The following AHCYL2 variants were observed in gnomAD, a reference collection of about 807,000 sequenced individuals.
The protein encoded by AHCYL2 is adenosylhomocysteinase like 2.
AHCYL2 carries 28 observed loss-of-function variants against 81.4 expected under a neutral mutation model. The observed-to-expected ratio is 0.34, with a 90% CI of 0.25 to 0.47. AHCYL2 has a LOEUF of 0.47. Ranked by LOEUF, AHCYL2 falls within the 20% of genes least tolerant of loss-of-function variation. The pLI is 1.00. For missense variants in AHCYL2, 551 were observed against 785.1 expected, an observed-to-expected ratio of 0.70 and a Z score of 3.56; for synonymous variants, 272 against 290.2, an observed-to-expected ratio of 0.94 and a Z score of 0.64.
chr7:129,389,821 T>C, intron 4 of AHCYL2, 87 bp downstream of exon 4: 1 of 1,061,566 alleles, frequency 9.4e-7, no homozygotes, highest in Non-Finnish European at 1.3e-6. Context: ...AAGCACCGAG[T>C]TAAGAGCTTA....
Position 129,365,628 on chromosome 7 carries a change from G to GTATATATATATATATATATATATATA in AHCYL2, c.364-13993_364-13992insATATATATATATATATATATATATAT, listed in dbSNP as rs10526470. ...TAATACAGTTTACCTGGAGGATAGA[G>GTATATATATATATATATATATATATA]TATATATATATATATATGGGTATGA... On this transcript the variant is annotated intron_variant, in intron 1 of 16. Transcript: ENST00000325006. 3.5e-3 allele frequency among the ~76,000 whole-genome samples: 433 copies of GTATATATATATATATATATATATATA among 124,190 alleles called. 9 individuals carry two copies. The highest frequency in any genetic ancestry group is 0.014 in the South Asian group (51 of 3,658). 81.5% of individuals were successfully genotyped at this position (124,190 alleles called of 152,430 possible).
intron 1 of AHCYL2, among the ~76,000 whole-genome samples, chr7:129,314,362 T>C (rs1797762450): frequency 6.6e-6 from 1 of 152,258 alleles, no homozygotes; most frequent in Non-Finnish European, 1.5e-5. Flanking sequence ...TGTAAACTCA[T>C]TGACTGTAGG....
At chr7:129,240,681 G>A (rs1424679185) in intron 1 of AHCYL2, among the ~76,000 whole-genome samples, 1 of 151,552 alleles carries the variant, frequency 6.6e-6, no homozygotes, top group Non-Finnish European at 1.5e-5. Flanking sequence ...TAGATTGCTG[G>A]TTAAGCAGAG....
intron 1 of AHCYL2, among the ~76,000 whole-genome samples, chr7:129,286,499 C>T (rs969710319): frequency 3.3e-5 from 5 of 150,444 alleles, no homozygotes; most frequent in African/African-American, 1.2e-4. Context: ...TCACTCTCAT[C>T]ACCCAGGCTG....
chr7:129,244,615 C>G (rs1794983915), intron 1 of AHCYL2, among the ~76,000 whole-genome samples: 2 of 152,126 alleles, frequency 1.3e-5, no homozygotes, highest in African/African-American at 4.8e-5. Context: ...CTCTGGGACC[C>G]TCTTTTATGA....
chr7:129,406,598 T>C lies in AHCYL2; in HGVS notation c.1295+132T>C. On this transcript the variant is annotated intron_variant, in intron 10 of 16. Coordinates refer to ENST00000325006, the MANE Select transcript of AHCYL2 (RefSeq NM_015328.4). The surrounding 1 kb of genome is among the most constrained non-coding windows in gnomAD (Gnocchi z 4.3). ...CTGCCACTAACTCTAAGCATCTGTC[T>C]TTTAAAAAGGTCAAGGAGCTCTGCT... 1.1e-6 allele frequency: 1 copy of C among 875,658 alleles called. No individual in the cohort carries two copies. The highest frequency in any genetic ancestry group is 1.7e-5 in the African/African-American group (1 of 60,386). The allele number at this position is 875,658 out of a possible 1,614,324, so 54.2% of individuals were successfully genotyped here.
chr7:129,377,486 G>T, intron 1 of AHCYL2: 2 of 454,408 alleles, frequency 4.4e-6, no homozygotes, highest in Non-Finnish European at 8.9e-6. Flanking sequence ...ATTTCAATTT[G>T]GCATTGGTCC....
At chr7:129,396,720 C>T (rs973514114) in intron 4 of AHCYL2, among the ~76,000 whole-genome samples, 2 of 151,884 alleles carry the variant, frequency 1.3e-5, no homozygotes, top group African/African-American at 2.4e-5. Context: ...CGTTCCTGGC[C>T]GTGTGTTTGG....
chr7:129,318,401 A>G (rs2150784398), intron 1 of AHCYL2, among the ~76,000 whole-genome samples: 1 of 152,218 alleles, frequency 6.6e-6, no homozygotes, highest in East Asian at 1.9e-4. Flanking sequence ...AGCTTATAAA[A>G]CAAAATTTTG....
intron 1 of AHCYL2, among the ~76,000 whole-genome samples, chr7:129,356,457 A>G (rs1393819442): frequency 4.6e-5 from 7 of 152,134 alleles, no homozygotes; most frequent in Admixed American, 4.6e-4. Flanking sequence ...CTCATAATTC[A>G]TTGTGTGTGT....
intron 12 of AHCYL2, among the ~76,000 whole-genome samples, chr7:129,420,005 G>A (rs1328848431): frequency 6.6e-6 from 1 of 152,168 alleles, no homozygotes; most frequent in African/African-American, 2.4e-5. Flanking sequence ...CTGCTGACTA[G>A]GCCTTAATAG....
Position 129,425,076 on chromosome 7 carries a change from T to C in AHCYL2, c.1643T>C (p.Ile548Thr). Residue 548 changes from isoleucine to threonine, a missense_variant, in exon 15 of 17, where the codon ATA becomes ACA. This residue lies in a region of AHCYL2 where 316 missense variants were observed against 543.1 expected (regional missense o/e 0.58). Coordinates refer to ENST00000325006, the MANE Select transcript of AHCYL2 (RefSeq NM_015328.4). ...ITATTQALAL[I>T]ELYNAPEGRY... The stretch of plus-strand genomic sequence containing the variant: ...CTGCTTTTCTAGGCTCTTGCCTTGA[T>C]AGAGCTTTACAATGCTCCTGAGGGT... 3 of 1,613,824 alleles carry C rather than the reference T, an allele frequency of 1.9e-6. No homozygotes were observed. Among genetic ancestry groups the C allele is most frequent in the Non-Finnish European group, 2.5e-6 (3 of 1,179,952 alleles).
rs191230971 is a variant in AHCYL2, at chr7:129,379,813, C to T, written c.475+64C>T. ...AATAAGTACGATCTCAATGGGCCCTCCTGTCTATCCAAGGCTAATTAAGCA... is the reference window on the plus strand; with the variant it reads ...AATAAGTACGATCTCAATGGGCCCTTCTGTCTATCCAAGGCTAATTAAGCA... On this transcript the variant is annotated intron_variant, in intron 2 of 16. Coordinates refer to ENST00000325006, the MANE Select transcript of AHCYL2 (RefSeq NM_015328.4). 2.6e-5 allele frequency: 33 copies of T among 1,276,326 alleles called. No individual in the cohort carries two copies. In the African/African-American group the frequency reaches 4.2e-4, roughly 16 times the overall value. The allele number at this position is 1,276,326 out of a possible 1,614,324, so 79.1% of individuals were successfully genotyped here.
rs754282391 is a variant in AHCYL2, at chr7:129,426,379, G to A, written c.1709-64G>A. 9.3e-6 allele frequency: 15 copies of A among 1,613,030 alleles called. No homozygotes were observed. The highest frequency in any genetic ancestry group is 1.7e-5 in the Admixed American group (1 of 59,960). On this transcript the variant is annotated intron_variant, in intron 15 of 16. Coordinates refer to ENST00000325006, the MANE Select transcript of AHCYL2 (RefSeq NM_015328.4). This position sits in a 1 kb window ranked among gnomAD's most constrained non-coding sequence, Gnocchi z 4.3. The stretch of plus-strand genomic sequence containing the variant: ...TTTGAACTTTTTAAGGCCTAGCTTG[G>A]GGACAATAGCCATCAGATAAAAGGC...
intron 1 of AHCYL2, among the ~76,000 whole-genome samples, chr7:129,305,275 C>T (rs1160392690): frequency 6.6e-6 from 1 of 152,088 alleles, no homozygotes; most frequent in Non-Finnish European, 1.5e-5. Context: ...TCTTGGTCAA[C>T]AAGGTGAAAC....
At chr7:129,238,645 T>TTTCACCTC (rs1247866395) in intron 1 of AHCYL2, among the ~76,000 whole-genome samples, 1 of 150,086 alleles carries the variant, frequency 6.7e-6, no homozygotes, top group Admixed American at 6.6e-5. Context: ...ACCCAAGAGG[T>TTTCACCTC]TTCACCATGT....
intron 2 of AHCYL2, among the ~76,000 whole-genome samples, chr7:129,385,865 T>A (rs1489992102): frequency 6.6e-6 from 1 of 152,232 alleles, no homozygotes; most frequent in Non-Finnish European, 1.5e-5. Flanking sequence ...AGTGTGTTTG[T>A]ACATACGTGT....
chr7:129,260,292 T>C (rs1795579369), intron 1 of AHCYL2, among the ~76,000 whole-genome samples: 1 of 152,184 alleles, frequency 6.6e-6, no homozygotes, highest in African/African-American at 2.4e-5. Context: ...GGTGGATTGA[T>C]CTTGGACTTC....
rs561639214 is a variant in AHCYL2 at position 129,389,269 on chromosome 7, T to C, written c.619+70T>C. On this transcript the variant is annotated intron_variant, in intron 3 of 16. Coordinates refer to ENST00000325006, the MANE Select transcript of AHCYL2 (RefSeq NM_015328.4). ...TTTTGTCCATATTAATCCCTTTTTATGTCTGGGGTCTGGTAGCTTGTGAAA... is the reference window on the plus strand; with the variant it reads ...TTTTGTCCATATTAATCCCTTTTTACGTCTGGGGTCTGGTAGCTTGTGAAA... 1.9e-6 allele frequency: 3 copies of C among 1,580,386 alleles called. 1 individual carries two copies. In the Admixed American group the frequency reaches 5.3e-5, roughly 28 times the overall value.
Sources: allele counts gnomAD v4.1 joint callset (sites outside exome capture counted in the v4.1 genomes callset), GRCh38; gene constraint gnomAD v4.1.1; regional missense constraint gnomAD v4.1.1; non-coding constraint Gnocchi (gnomAD v3.1); transcripts MANE v1.5; gene names NCBI Gene and HGNC (gene_info 2026-07-23, HGNC 2026-07-21).